DOCK2: variants seen among roughly 807,000 people sequenced by gnomAD.
DOCK2 encodes dedicator of cytokinesis protein 2.
Under a neutral mutation model 248.9 loss-of-function variants are expected in DOCK2, and 87 were observed. The observed-to-expected ratio is 0.35, with a 90% CI of 0.29 to 0.42. The LOEUF (loss-of-function observed/expected upper bound fraction) is 0.42, where lower values mean the gene tolerates loss of function less well. Ranked by LOEUF, DOCK2 falls within the 10% of genes least tolerant of loss-of-function variation. The pLI, the probability that DOCK2 is intolerant of heterozygous loss-of-function variation, is 1.00. For missense variants in DOCK2, 1,747 were observed against 2,300.2 expected, an observed-to-expected ratio of 0.76 and a Z score of 4.92; for synonymous variants, 805 against 821.6, an observed-to-expected ratio of 0.98 and a Z score of 0.35.
intron 14 of DOCK2, among the ~76,000 whole-genome samples, chr5:169,702,975 A>G (rs1761069078): frequency 6.6e-6 from 1 of 152,172 alleles, no homozygotes; most frequent in African/African-American, 2.4e-5. Context: ...GTATTCAGGA[A>G]TGCAAAGCGC....
intron 22 of DOCK2, among the ~76,000 whole-genome samples, chr5:169,721,036 A>G (rs960084367): frequency 1.3e-5 from 2 of 151,834 alleles, no homozygotes; most frequent in Non-Finnish European, 2.9e-5. Flanking sequence ...TAACTCTCTC[A>G]TGTCTTACGT....
chr5:170,044,906 G>A (rs1401832108), intron 38 of DOCK2, among the ~76,000 whole-genome samples: 1 of 152,042 alleles, frequency 6.6e-6, no homozygotes, highest in African/African-American at 2.4e-5. Flanking sequence ...GAGATTGCCA[G>A]CCTCCGGTCC....
intron 27 of DOCK2, among the ~76,000 whole-genome samples, chr5:169,852,052 T>A (rs1770646203): frequency 6.6e-6 from 1 of 151,860 alleles, no homozygotes; most frequent in African/African-American, 2.4e-5. Flanking sequence ...ATTGGCCACA[T>A]AGGGACTGCA....
Position 170,075,927 on chromosome 5 carries a change from C to T in DOCK2, c.4729-20C>T, listed in dbSNP as rs767259583. On this transcript the variant is annotated intron_variant, in intron 46 of 51. Transcript: ENST00000520908. ...CCCACCGGTCAGCCTCTGGCTCATTCTTTACCACTTTCTCTCCAGATCCCC... is the reference window on the plus strand; with the variant it reads ...CCCACCGGTCAGCCTCTGGCTCATTTTTTACCACTTTCTCTCCAGATCCCC... 1.9e-6 allele frequency: 3 copies of T among 1,613,448 alleles called. No homozygotes were observed. Among genetic ancestry groups the T allele is most frequent in the Non-Finnish European group, 2.5e-6 (3 of 1,179,724 alleles).
At chr5:169,968,814 G>T (rs567623676) in intron 27 of DOCK2, among the ~76,000 whole-genome samples, 2 of 152,300 alleles carry the variant, frequency 1.3e-5, no homozygotes, top group African/African-American at 2.4e-5. Context: ...AAGATGGACT[G>T]CCCTGTTCTA....
chr5:169,886,760 C>T (rs933111044), intron 27 of DOCK2, among the ~76,000 whole-genome samples: 2 of 152,136 alleles, frequency 1.3e-5, no homozygotes, highest in Non-Finnish European at 2.9e-5. Context: ...TATATGTCTA[C>T]TTTTGAGGGT....
intron 27 of DOCK2, among the ~76,000 whole-genome samples, chr5:169,852,724 A>G (rs569648755): frequency 2.0e-4 from 31 of 152,298 alleles, no homozygotes; most frequent in Admixed American, 1.8e-3. Context: ...CCCTGCTTTG[A>G]CACAAGTGTC....
At chr5:169,850,672 G>A (rs780475805) in intron 27 of DOCK2, among the ~76,000 whole-genome samples, 39 of 152,140 alleles carry the variant, frequency 2.6e-4, no homozygotes, top group African/African-American at 7.0e-4. Context: ...TTCTGGAGGC[G>A]GAAGCATTGC....
chr5:169,895,274 C>T (rs974648461), intron 27 of DOCK2, among the ~76,000 whole-genome samples: 1 of 152,134 alleles, frequency 6.6e-6, no homozygotes, highest in Non-Finnish European at 1.5e-5. Context: ...TTTCTCCTTT[C>T]CTCCCTTCCT....
intron 33 of DOCK2, among the ~76,000 whole-genome samples, chr5:170,024,568 C>T (rs1755841076): frequency 6.6e-6 from 1 of 152,048 alleles, no homozygotes; most frequent in South Asian, 2.1e-4. Flanking sequence ...TTACTATGTG[C>T]CAAGTGCCTT....
intron 27 of DOCK2, among the ~76,000 whole-genome samples, chr5:169,862,016 T>A (rs1771232307): frequency 6.6e-6 from 1 of 152,032 alleles, no homozygotes. Context: ...TAAGGGTTCA[T>A]GTGAGGGCCT....
intron 1 of DOCK2, among the ~76,000 whole-genome samples, chr5:169,644,399 C>T (rs1446768677): frequency 6.6e-6 from 1 of 151,954 alleles, no homozygotes; most frequent in Non-Finnish European, 1.5e-5. Context: ...TGCTTAGATT[C>T]GGGATGTATG....
At chr5:169,644,246 T>C (rs1320731704) in intron 1 of DOCK2, among the ~76,000 whole-genome samples, 1 of 152,110 alleles carries the variant, frequency 6.6e-6, no homozygotes, top group Non-Finnish European at 1.5e-5. Context: ...TTTAAGAGGA[T>C]TGAACATAGC....
intron 51 of DOCK2, among the ~76,000 whole-genome samples, chr5:170,082,344 AT>A (rs1758063953): frequency 6.6e-6 from 1 of 152,158 alleles, no homozygotes; most frequent in African/African-American, 2.4e-5. Flanking sequence ...CCAAGCGCTG[AT>A]TCTGCAAGTC....
intron 27 of DOCK2, chr5:169,875,186 A>G (rs1581337511): frequency 4.7e-6 from 2 of 428,874 alleles, no homozygotes; most frequent in East Asian, 7.1e-5. Flanking sequence ...TTTTTTACCT[A>G]AAAAAATCCT....
chr5:169,742,191 A>G (rs1259368907), intron 22 of DOCK2, among the ~76,000 whole-genome samples: 2 of 152,112 alleles, frequency 1.3e-5, no homozygotes, highest in African/African-American at 4.8e-5. Flanking sequence ...GTCTTTATGA[A>G]AATGCTGATT....
In DOCK2 at chr5:169,885,164, C is replaced by T. The variant is rs570001993; in HGVS notation, c.2799+44312C>T. The stretch of plus-strand genomic sequence containing the variant: ...GACCACATCAGGACCCATTGTACAT[C>T]CTCGTCACATTTTTCACAATACAAA... On this transcript the variant is annotated intron_variant, in intron 27 of 51. Coordinates refer to ENST00000520908, the MANE Select transcript of DOCK2 (RefSeq NM_004946.3). 9.2e-5 allele frequency among the ~76,000 whole-genome samples: 14 copies of T among 152,318 alleles called. No individual in the cohort carries two copies. In the South Asian group the frequency reaches 1.9e-3, roughly 20 times the overall value.
intron 27 of DOCK2, among the ~76,000 whole-genome samples, chr5:169,952,836 G>A (rs951888438): frequency 6.6e-5 from 10 of 152,128 alleles, no homozygotes; most frequent in South Asian, 2.1e-4. Flanking sequence ...AGTGAGAAAT[G>A]AATGGAAAGA....
At chr5:170,007,776 A>G (rs536699112) in intron 30 of DOCK2, among the ~76,000 whole-genome samples, 2 of 152,308 alleles carry the variant, frequency 1.3e-5, no homozygotes, top group East Asian at 1.9e-4. Flanking sequence ...ACAAGCCTGC[A>G]TCTCAGCTGG....
Sources: allele counts gnomAD v4.1 joint callset (sites outside exome capture counted in the v4.1 genomes callset), GRCh38; gene constraint gnomAD v4.1.1; transcripts MANE v1.5; gene names NCBI Gene and HGNC (gene_info 2026-07-23, HGNC 2026-07-21).